The following SRPK2 variants were observed in gnomAD, a reference collection of about 807,000 sequenced individuals.
SRPK2 encodes the protein SFRS protein kinase 2.
In SRPK2, 21 loss-of-function variants were observed where a neutral mutation model predicts 90.8. The observed-to-expected ratio is 0.23, with a 90% CI of 0.16 to 0.33. The LOEUF is 0.33. Ranked by LOEUF, SRPK2 falls within the 10% of genes least tolerant of loss-of-function variation. The pLI, the probability that SRPK2 is intolerant of heterozygous loss-of-function variation, is 1.00. For synonymous variants in SRPK2, 288 were observed against 311.1 expected (o/e 0.93, Z 0.78); for missense variants, 620 against 869.0 (o/e 0.71, Z 3.60).
chr7:105,389,765 G>A (rs1327820427), upstream of SRPK2, among the ~76,000 whole-genome samples: 3 of 152,140 alleles, frequency 2.0e-5, no homozygotes, highest in Non-Finnish European at 2.9e-5. Context: ...TGTGAATCAA[G>A]TTGATAGTGA....
chr7:105,156,800 G>C (rs1045345885), intron 7 of SRPK2, among the ~76,000 whole-genome samples: 2 of 152,138 alleles, frequency 1.3e-5, no homozygotes, highest in Non-Finnish European at 2.9e-5. Context: ...CACCACGCCT[G>C]GCTGGTATCA....
chr7:105,372,172 A>G (rs992316510), intron 2 of SRPK2, among the ~76,000 whole-genome samples: 6 of 151,734 alleles, frequency 4.0e-5, no homozygotes, highest in Non-Finnish European at 8.8e-5. Context: ...AGTTCTCTAG[A>G]AAACCATTTA....
At chr7:105,273,620 AAATGTT>A (rs1367420504) in intron 2 of SRPK2, among the ~76,000 whole-genome samples, 1 of 151,872 alleles carries the variant, frequency 6.6e-6, no homozygotes, top group African/African-American at 2.4e-5. Context: ...TCTCAGTCCC[AAATGTT>A]ACCTCCACAC....
At position 105,142,368 on chromosome 7, in the gene SRPK2, T is replaced by C. The variant is rs1007393065; in HGVS notation, c.1183A>G (p.Asn395Asp). The C allele has an allele frequency of 6.2e-7, 1 of 1,614,040 alleles. No homozygotes were observed. Among genetic ancestry groups the C allele is most frequent in the African/African-American group, 1.3e-5 (1 of 74,918 alleles). ...DPTWIESPKT[N>D]GHIENGPFSL... ...AATGGGCCATTCTCAATATGGCCATTGGTTTTAGGTGATTCTATCCACGTA... is the reference window on the plus strand; with the variant it reads ...AATGGGCCATTCTCAATATGGCCATCGGTTTTAGGTGATTCTATCCACGTA... The change falls in exon 11 of 16, where the codon AAT becomes GAT. Residue 395 changes from asparagine (N) to aspartate (D), a missense_variant. Asn to Asp is a conservative substitution (Grantham distance 23, BLOSUM62 1). Coordinates refer to ENST00000393651, the MANE Select transcript of SRPK2 (RefSeq NM_182692.3).
intron 11 of SRPK2, 30 bp from the exon 12 acceptor site, chr7:105,133,134 T>G: frequency 1.2e-6 from 2 of 1,606,266 alleles, no homozygotes; most frequent in Non-Finnish European, 1.7e-6. Flanking sequence ...GGACAGTTAG[T>G]GATCGGGATA....
chr7:105,205,864 T>G (rs1796166031), intron 2 of SRPK2: 1 of 509,226 alleles, frequency 2.0e-6, no homozygotes, highest in Non-Finnish European at 3.9e-6. Flanking sequence ...GAGAAATACT[T>G]TGAAAGCTAG....
At chr7:105,330,018 G>A (rs1252974150) in intron 2 of SRPK2, among the ~76,000 whole-genome samples, 1 of 152,124 alleles carries the variant, frequency 6.6e-6, no homozygotes, top group Non-Finnish European at 1.5e-5. Flanking sequence ...CTGGGCAACA[G>A]AGCGAGACTC....
chr7:105,355,739 G>A (rs1817709015), intron 2 of SRPK2, among the ~76,000 whole-genome samples: 1 of 152,002 alleles, frequency 6.6e-6, no homozygotes, highest in Admixed American at 6.6e-5. Context: ...GACACAGCCT[G>A]AGTTAGGGTT....
intron 2 of SRPK2, among the ~76,000 whole-genome samples, chr7:105,295,623 A>G (rs915819049): frequency 1.3e-5 from 2 of 152,208 alleles, no homozygotes; most frequent in African/African-American, 4.8e-5. Context: ...CAGGAAGGGA[A>G]AATGGGGAGT....
intron 3 of SRPK2, among the ~76,000 whole-genome samples, chr7:105,173,258 C>A (rs1049918480): frequency 1.3e-5 from 2 of 152,098 alleles, no homozygotes; most frequent in African/African-American, 4.8e-5. Context: ...GTACATGCCA[C>A]CATGCCTGGC....
intron 2 of SRPK2, among the ~76,000 whole-genome samples, chr7:105,211,098 G>T (rs930631938): frequency 2.6e-5 from 4 of 152,170 alleles, no homozygotes; most frequent in African/African-American, 9.7e-5. Context: ...ACAAAACTGT[G>T]AGTTAATAAA....
chr7:105,181,684 A>C lies in SRPK2; in HGVS notation c.230-12419T>G, dbSNP rs181585395. On this transcript the variant is annotated intron_variant, in intron 3 of 15. Coordinates refer to ENST00000393651, the MANE Select transcript of SRPK2 (RefSeq NM_182692.3). ...GTAAACAATGAGAACACAAAGACAC[A>C]AAGAGGGGAACAACAGACACTGGGG... Among the ~76,000 whole-genome samples the C allele has an allele frequency of 1.6e-4, 24 of 152,266 alleles. No individual in the cohort carries two copies. The East Asian group carries it at 4.6e-3, about 29-fold the overall frequency.
chr7:105,376,922 T>G (rs1820383233), intron 2 of SRPK2, among the ~76,000 whole-genome samples: 1 of 140,452 alleles, frequency 7.1e-6, no homozygotes, highest in African/African-American at 2.7e-5. Flanking sequence ...AAAAAGCTTA[T>G]TCAATAACTA....
At chr7:105,345,907 A>G (rs1816395776) in intron 2 of SRPK2, among the ~76,000 whole-genome samples, 1 of 152,272 alleles carries the variant, frequency 6.6e-6, no homozygotes, top group South Asian at 2.1e-4. Context: ...TTCAGCTATG[A>G]TACTGGACAT....
In SRPK2 at chr7:105,234,853, A is replaced by T. The variant is rs557230521; in HGVS notation, c.72-31068T>A. 3.3e-5 allele frequency among the ~76,000 whole-genome samples: 5 copies of T among 152,366 alleles called. No homozygotes were observed. The South Asian group carries it at 6.2e-4, about 19-fold the overall frequency. On this transcript the variant is annotated intron_variant, in intron 2 of 15. Coordinates refer to ENST00000393651, the MANE Select transcript of SRPK2 (RefSeq NM_182692.3). The stretch of plus-strand genomic sequence containing the variant: ...AAAGAGGGCATCACAGACATGGAGA[A>T]GATGGTAACAGAATTTCAAAGAACA...
chr7:105,370,120 T>C (rs1261291524), intron 2 of SRPK2, among the ~76,000 whole-genome samples: 1 of 152,170 alleles, frequency 6.6e-6, no homozygotes, highest in Non-Finnish European at 1.5e-5. Context: ...TTAGAAGTAA[T>C]GACAGCACCT....
At chr7:105,317,353 C>T (rs953684577) in intron 2 of SRPK2, among the ~76,000 whole-genome samples, 35 of 152,168 alleles carry the variant, frequency 2.3e-4, no homozygotes, top group African/African-American at 8.0e-4. Flanking sequence ...TTCATTAAAT[C>T]TCAATGTTGA....
intron 2 of SRPK2, among the ~76,000 whole-genome samples, chr7:105,274,455 G>T (rs181444022): frequency 2.0e-5 from 3 of 151,860 alleles, no homozygotes; most frequent in African/African-American, 7.3e-5. Flanking sequence ...CCAGCTACTC[G>T]GGAGGCTGAG....
chr7:105,202,344 C>T (rs1795670173), intron 3 of SRPK2, among the ~76,000 whole-genome samples: 1 of 152,070 alleles, frequency 6.6e-6, no homozygotes, highest in Admixed American at 6.5e-5. Context: ...ATGTTCTGAA[C>T]ATGTCTGCAT....
Sources: allele counts gnomAD v4.1 joint callset (sites outside exome capture counted in the v4.1 genomes callset), GRCh38; gene constraint gnomAD v4.1.1; transcripts MANE v1.5; gene names NCBI Gene and HGNC (gene_info 2026-07-23, HGNC 2026-07-21).